The following PALM2AKAP2 variants were observed in gnomAD, a reference collection of about 807,000 sequenced individuals.
The protein encoded by PALM2AKAP2 is PALM2 and AKAP2 fusion, also known as PALM2-AKAP2 fusion protein.
A neutral mutation model predicts 71.5 loss-of-function variants in PALM2AKAP2; 37 were observed. The observed-to-expected ratio is 0.52, with a 90% confidence interval of 0.40 to 0.68. The LOEUF (loss-of-function observed/expected upper bound fraction) is 0.68, where lower values mean the gene tolerates loss of function less well. Among genes scored for constraint, PALM2AKAP2 ranks in the 30% least tolerant of loss-of-function variants. PALM2AKAP2 has a pLI of 0.00. For synonymous variants in PALM2AKAP2, 468 were observed against 478.8 expected (o/e 0.98, Z 0.29); for missense variants, 1,224 against 1,191.8 (o/e 1.03, Z -0.40).
chr9:110,080,076 A>T (rs1484735832), intron 1 of PALM2AKAP2, among the ~76,000 whole-genome samples: 2 of 149,848 alleles, frequency 1.3e-5, no homozygotes, highest in African/African-American at 5.0e-5. Flanking sequence ...TCTCAAAAAA[A>T]AAAAAAAAAA....
chr9:110,145,582 A>G (rs766285454), intron 2 of PALM2AKAP2, among the ~76,000 whole-genome samples: 5 of 152,084 alleles, frequency 3.3e-5, no homozygotes, highest in Non-Finnish European at 5.9e-5. Context: ...TTGACTGGTG[A>G]TCATTGAGCA....
At position 109,807,225 on chromosome 9, in the gene PALM2AKAP2, G is replaced by A. The variant is rs138171648; in HGVS notation, c.45+26692G>A. ...GATGGAGTTTCACTGGAATGAAATG[G>A]GGATCACCATGGGAAGGCCTGCTGT... On this transcript the variant is annotated intron_variant, in intron 1 of 9. Transcript: ENST00000302798. Among the ~76,000 whole-genome samples the A allele has an allele frequency of 4.1e-3, 630 of 152,282 alleles. 4 individuals carry two copies. Among genetic ancestry groups the A allele is most frequent in the South Asian group, 0.022 (105 of 4,820 alleles).
chr9:110,109,031 A>G (rs529866382), intron 1 of PALM2AKAP2, among the ~76,000 whole-genome samples: 1 of 152,232 alleles, frequency 6.6e-6, no homozygotes, highest in South Asian at 2.1e-4. Context: ...AAAACTTCAG[A>G]AACCGGTCCG....
rs181878525 is a variant in PALM2AKAP2 at position 109,746,353 on chromosome 9, G to T, written c.6-34135G>T. On this transcript the variant is annotated intron_variant, in intron 1 of 6. Transcript: ENST00000374531. Reference sequence around the variant, plus strand: ...TAGCCAGATAACTCCATTTTAGAAAGCATGGGGGAATGTCTTTCCCATTAA... The same window carrying T: ...TAGCCAGATAACTCCATTTTAGAAATCATGGGGGAATGTCTTTCCCATTAA... 2.6e-5 allele frequency among the ~76,000 whole-genome samples: 4 copies of T among 152,326 alleles called. No homozygotes were observed. In the East Asian group the frequency reaches 7.7e-4, roughly 29 times the overall value.
chr9:109,747,970 T>G (rs1398488314), intron 1 of PALM2AKAP2, among the ~76,000 whole-genome samples: 1 of 152,196 alleles, frequency 6.6e-6, no homozygotes, highest in African/African-American at 2.4e-5. Flanking sequence ...TGAGCCCAGC[T>G]GGCTATATGT....
chr9:109,985,735 C>G (rs1000286659), intron 6 of PALM2AKAP2, among the ~76,000 whole-genome samples: 14 of 150,498 alleles, frequency 9.3e-5, no homozygotes, highest in Non-Finnish European at 2.1e-4. Flanking sequence ...CTGCAACCTT[C>G]GCCTCCTAGG....
chr9:109,962,313 A>G (rs530063627), intron 6 of PALM2AKAP2, among the ~76,000 whole-genome samples: 1 of 152,356 alleles, frequency 6.6e-6, no homozygotes, highest in East Asian at 1.9e-4. Context: ...CAGCTTTGAG[A>G]GCCAGGGAAC....
At chr9:109,830,173 T>A (rs1252486653) in intron 1 of PALM2AKAP2, among the ~76,000 whole-genome samples, 1 of 152,240 alleles carries the variant, frequency 6.6e-6, no homozygotes, top group Admixed American at 6.5e-5. Context: ...CTGCATGGAC[T>A]CTTTGTGAGA....
intron 1 of PALM2AKAP2, among the ~76,000 whole-genome samples, chr9:109,707,966 A>G (rs1221993448): frequency 6.6e-6 from 1 of 152,188 alleles, no homozygotes; most frequent in Non-Finnish European, 1.5e-5. Context: ...GGCCAAGCCC[A>G]GTGCCTTTCC....
chr9:109,813,561 A>G (rs1403504297), intron 1 of PALM2AKAP2, among the ~76,000 whole-genome samples: 1 of 152,140 alleles, frequency 6.6e-6, no homozygotes, highest in Admixed American at 6.5e-5. Flanking sequence ...GAGAAATGGT[A>G]AGAAGATAGG....
intron 7 of PALM2AKAP2, among the ~76,000 whole-genome samples, chr9:110,029,011 C>G (rs1474847510): frequency 6.6e-6 from 1 of 151,156 alleles, no homozygotes; most frequent in Non-Finnish European, 1.5e-5. Context: ...AGCTTTAAAC[C>G]AGACAGATGT....
intron 1 of PALM2AKAP2, chr9:110,048,903 T>TGAGGAAGGGGTGGCC (rs569280588): frequency 5.5e-6 from 8 of 1,460,608 alleles, no homozygotes; most frequent in Non-Finnish European, 7.2e-6. Context: ...TCCTCGAGTG[T>TGAGGAAGGGGTGGCC]GAGGAAGGGG....
intron 1 of PALM2AKAP2, among the ~76,000 whole-genome samples, chr9:109,828,192 CCTT>C (rs1310745818): frequency 2.0e-5 from 3 of 152,076 alleles, no homozygotes; most frequent in African/African-American, 7.2e-5. Context: ...GAAGTGGTGT[CCTT>C]CTTTCAGGCA....
chr9:110,137,442 C>T (rs757394275), exon 2 of PALM2AKAP2: 2 of 1,613,918 alleles, frequency 1.2e-6, no homozygotes, highest in East Asian at 4.5e-5. Flanking sequence ...ACCCCATCGG[C>T]AGCAGGAAGC....
chr9:109,959,738 A>G (rs571010946), intron 6 of PALM2AKAP2, among the ~76,000 whole-genome samples: 2 of 152,222 alleles, frequency 1.3e-5, no homozygotes, highest in South Asian at 2.1e-4. Flanking sequence ...TCCAAGTTGA[A>G]TGGGGTTAGT....
At chr9:110,015,837 A>G (rs996035714) in intron 6 of PALM2AKAP2, 117 bp from the exon 7 acceptor site, 1 of 903,268 alleles carries the variant, frequency 1.1e-6, no homozygotes, top group Non-Finnish European at 1.8e-6. Context: ...ATAGAGCTAT[A>G]GGTCATCATC....
At chr9:109,715,367 T>C (rs953284807) in intron 1 of PALM2AKAP2, among the ~76,000 whole-genome samples, 1 of 152,176 alleles carries the variant, frequency 6.6e-6, no homozygotes, top group African/African-American at 2.4e-5. Context: ...GACTTGACAT[T>C]GAATTATTCA....
At chr9:110,050,269 C>A (rs564889169) in intron 1 of PALM2AKAP2, among the ~76,000 whole-genome samples, 1 of 152,322 alleles carries the variant, frequency 6.6e-6, no homozygotes, top group East Asian at 1.9e-4. Flanking sequence ...GTTTCACAGG[C>A]TCCTGGAGAC....
chr9:110,049,147 A>G (rs941817962), intron 1 of PALM2AKAP2, among the ~76,000 whole-genome samples: 1 of 152,186 alleles, frequency 6.6e-6, no homozygotes, highest in African/African-American at 2.4e-5. Context: ...AACTAAACGC[A>G]GGACTCCGCT....
Sources: gnomAD v4.1 joint callset for allele counts (sites outside exome capture counted in the v4.1 genomes callset) on GRCh38, gnomAD v4.1.1 for gene constraint, MANE v1.5 for transcripts, NCBI Gene and HGNC (gene_info 2026-07-23, HGNC 2026-07-21) for gene names.